The following AFF3 variants were observed in gnomAD, a reference collection of about 807,000 sequenced individuals.
The protein encoded by AFF3 is ALF transcription elongation factor 3, also known as AF4/FMR2 family member 3.
A neutral mutation model predicts 129.7 loss-of-function variants in AFF3; 32 were observed. That is an observed-to-expected ratio of 0.25 (90% CI 0.19 to 0.33). The LOEUF is 0.33. Ranked by LOEUF, AFF3 falls within the 10% of genes least tolerant of loss-of-function variation. The probability of loss-of-function intolerance (pLI) is 1.00; values close to 1 mark genes in which losing one functional copy is unlikely to be tolerated. For synonymous variants in AFF3, 644 were observed against 635.4 expected, an observed-to-expected ratio of 1.01 and a Z score of -0.20; for missense variants, 1,373 against 1,592.0, an observed-to-expected ratio of 0.86 and a Z score of 2.34.
intron 8 of AFF3, among the ~76,000 whole-genome samples, chr2:99,828,885 T>C (rs992953283): frequency 5.9e-5 from 9 of 152,160 alleles, no homozygotes; most frequent in African/African-American, 2.2e-4. Flanking sequence ...AAAAATACTT[T>C]TAGTAGAATC....
At chr2:99,969,891 A>G (rs1399916725) in intron 7 of AFF3, among the ~76,000 whole-genome samples, 2 of 152,190 alleles carry the variant, frequency 1.3e-5, no homozygotes, top group Non-Finnish European at 2.9e-5. Context: ...AGTATCTTTT[A>G]TAATTAGAAC....
chr2:99,587,506 C>CACG lies in AFF3; in HGVS notation c.2467-231_2467-229dup, dbSNP rs534594222. On this transcript the variant is annotated intron_variant, in intron 15 of 24. Coordinates refer to ENST00000672756, the MANE Select transcript of AFF3 (RefSeq NM_001386135.1). Reference sequence around the variant, plus strand: ...ATTGACAGCTGATGGAGAGGAGAGGCACGACGCCATGATTCAACATTTTGA... The same window carrying CACG: ...ATTGACAGCTGATGGAGAGGAGAGGCACGACGACGCCATGATTCAACATTTTGA... Among the ~76,000 whole-genome samples the CACG allele has an allele frequency of 2.6e-5, 4 of 152,286 alleles. No homozygotes were observed. The East Asian group carries it at 7.7e-4, about 29-fold the overall frequency.
chr2:100,131,524 G>C (rs1001524585), intron 1 of AFF3, among the ~76,000 whole-genome samples: 1 of 152,030 alleles, frequency 6.6e-6, no homozygotes, highest in African/African-American at 2.4e-5. Context: ...CAGTGGTGCA[G>C]TCTCAGCTCA....
chr2:99,566,179 C>T lies in AFF3; in HGVS notation c.2983-556G>A, dbSNP rs754379131. Among the ~76,000 whole-genome samples the T allele has an allele frequency of 5.9e-5, 9 of 151,556 alleles. 1 individual carries two copies. In the East Asian group the frequency reaches 1.4e-3, roughly 23 times the overall value. On this transcript the variant is annotated intron_variant, in intron 19 of 24. Coordinates refer to ENST00000672756, the MANE Select transcript of AFF3 (RefSeq NM_001386135.1). ...GCAACCTCTGCCTCCTATGTTCAAG[C>T]GATTCTCCTGCCTCAGCCTCCCACG... is the stretch of plus-strand genomic sequence containing the variant.
chr2:99,713,133 A>T (rs1678051210), intron 11 of AFF3, among the ~76,000 whole-genome samples: 1 of 152,204 alleles, frequency 6.6e-6, no homozygotes, highest in Non-Finnish European at 1.5e-5. Flanking sequence ...GTTTGGGAAG[A>T]TAAAAAGAGT....
chr2:99,675,983 G>GTT (rs61405437), intron 11 of AFF3, among the ~76,000 whole-genome samples: 8 of 140,376 alleles, frequency 5.7e-5, no homozygotes, highest in African/African-American at 1.6e-4. Flanking sequence ...ATCTCCTACT[G>GTT]TTTTTTTTTT....
intron 11 of AFF3, among the ~76,000 whole-genome samples, chr2:99,679,678 G>A (rs1225667913): frequency 3.3e-5 from 5 of 152,200 alleles, no homozygotes; most frequent in South Asian, 4.1e-4. Context: ...GTCTGGGGTG[G>A]TGAAATAAAT....
intron 4 of AFF3, among the ~76,000 whole-genome samples, chr2:100,011,295 A>G (rs1282199436): frequency 6.6e-6 from 1 of 152,150 alleles, no homozygotes; most frequent in Non-Finnish European, 1.5e-5. Context: ...AAGCTTGCAC[A>G]GCATGCATCA....
At chr2:99,852,527 T>A (rs1442964129) in intron 7 of AFF3, among the ~76,000 whole-genome samples, 1 of 152,178 alleles carries the variant, frequency 6.6e-6, no homozygotes, top group African/African-American at 2.4e-5. Flanking sequence ...AGTCACTGAT[T>A]AATAAATTCA....
chr2:99,653,428 T>C (rs1438276971), intron 12 of AFF3, among the ~76,000 whole-genome samples: 2 of 152,368 alleles, frequency 1.3e-5, no homozygotes, highest in East Asian at 3.9e-4. Context: ...TATTGACTCT[T>C]TTCTCTCCCA....
intron 7 of AFF3, among the ~76,000 whole-genome samples, chr2:100,003,315 C>T (rs975935389): frequency 4.6e-5 from 7 of 152,050 alleles, no homozygotes; most frequent in East Asian, 3.9e-4. Flanking sequence ...TATTAATTTG[C>T]GTGTGTGTGT....
intron 7 of AFF3, among the ~76,000 whole-genome samples, chr2:99,905,914 GTTT>G (rs146066097): frequency 2.0e-5 from 3 of 149,244 alleles, no homozygotes; most frequent in African/African-American, 7.4e-5. Context: ...CCCATTCAAT[GTTT>G]TTTTTTTAAT....
intron 4 of AFF3, among the ~76,000 whole-genome samples, chr2:100,032,378 G>A (rs560163459): frequency 2.6e-5 from 4 of 151,766 alleles, no homozygotes; most frequent in East Asian, 1.9e-4. Context: ...GCAGTGAGCC[G>A]AGACTGCGCC....
At chr2:100,004,506 T>C (rs1681764724) in intron 7 of AFF3, among the ~76,000 whole-genome samples, 1 of 152,142 alleles carries the variant, frequency 6.6e-6, no homozygotes, top group African/African-American at 2.4e-5. Context: ...AGGCTGGTCT[T>C]GAACTCTGGC....
intron 7 of AFF3, among the ~76,000 whole-genome samples, chr2:99,995,111 G>A (rs1246355388): frequency 6.6e-6 from 1 of 152,176 alleles, no homozygotes; most frequent in African/African-American, 2.4e-5. Context: ...GGAGCAGGTG[G>A]GGGAAGTGGT....
At chr2:99,657,568 A>G in intron 12 of AFF3, among the ~76,000 whole-genome samples, 1 of 152,196 alleles carries the variant, frequency 6.6e-6, no homozygotes, top group East Asian at 1.9e-4. Context: ...GACAAATACT[A>G]CTGTTTGCCA....
chr2:99,732,120 T>G (rs1679879448), intron 10 of AFF3, among the ~76,000 whole-genome samples: 1 of 152,048 alleles, frequency 6.6e-6, no homozygotes, highest in African/African-American at 2.4e-5. Flanking sequence ...TTTGGGAGGC[T>G]GAGGCAGGCA....
intron 7 of AFF3, among the ~76,000 whole-genome samples, chr2:99,909,260 T>A (rs1411998417): frequency 1.3e-5 from 2 of 148,906 alleles, no homozygotes; most frequent in African/African-American, 5.0e-5. Flanking sequence ...CACCGCATGT[T>A]CTCACTCATA....
rs1207210228 is a variant in AFF3 at position 99,554,035 on chromosome 2, AT to A, written c.3559+275del. On this transcript the variant is annotated intron_variant, in intron 24 of 24. Coordinates refer to ENST00000672756, the MANE Select transcript of AFF3 (RefSeq NM_001386135.1). Reference sequence around the variant, plus strand: ...ACATTATTTGTCACAGTGGAAAAAAATTGGAAGGAACTTAAATGTCTAACAA... The same window carrying A: ...ACATTATTTGTCACAGTGGAAAAAAATGGAAGGAACTTAAATGTCTAACAA... Among the ~76,000 whole-genome samples the A allele has an allele frequency of 9.2e-5, 14 of 152,290 alleles. No homozygotes were observed. In the East Asian group the frequency reaches 2.7e-3, roughly 29 times the overall value.
Sources: allele counts gnomAD v4.1 joint callset (sites outside exome capture counted in the v4.1 genomes callset), GRCh38; gene constraint gnomAD v4.1.1; transcripts MANE v1.5; gene names NCBI Gene and HGNC (gene_info 2026-07-23, HGNC 2026-07-21).